The following CHN2 variants were observed in gnomAD, a reference collection of about 807,000 sequenced individuals.
CHN2 encodes the protein chimerin 2, also known as beta-chimaerin.
A neutral mutation model predicts 56.3 loss-of-function variants in CHN2; 35 were observed. The observed-to-expected ratio is 0.62, with a 90% CI of 0.47 to 0.82. The LOEUF is 0.82. CHN2 is among the 40% of genes least tolerant of loss of function. The pLI is 0.00. For missense variants in CHN2, 491 were observed against 580.5 expected (o/e 0.85, Z 1.58); for synonymous variants, 210 against 212.8 (o/e 0.99, Z 0.12).
intron 1 of CHN2, among the ~76,000 whole-genome samples, chr7:29,260,041 G>A (rs1481471826): frequency 1.3e-5 from 2 of 151,922 alleles, no homozygotes; most frequent in Non-Finnish European, 2.9e-5. Flanking sequence ...GCAGTGGTGC[G>A]ATCTTGGCTC....
chr7:29,392,711 C>T (rs980524951), intron 3 of CHN2, among the ~76,000 whole-genome samples: 1 of 152,154 alleles, frequency 6.6e-6, no homozygotes, highest in African/African-American at 2.4e-5. Context: ...CAGGAAACTG[C>T]CCCATATCAT....
chr7:29,483,896 A>T, intron 7 of CHN2: 18 of 1,302,918 alleles, frequency 1.4e-5, no homozygotes, highest in Non-Finnish European at 1.7e-5. Context: ...TCTCTGCCTC[A>T]GTTCCCTCAT....
At chr7:29,233,392 C>T (rs1786873084) in intron 1 of CHN2, among the ~76,000 whole-genome samples, 1 of 152,194 alleles carries the variant, frequency 6.6e-6, no homozygotes, top group African/African-American at 2.4e-5. Flanking sequence ...AAATCTCTTA[C>T]AAAACCTCAT....
At chr7:29,358,979 T>G (rs183615163) in intron 2 of CHN2, among the ~76,000 whole-genome samples, 1 of 152,238 alleles carries the variant, frequency 6.6e-6, no homozygotes, top group African/African-American at 2.4e-5. Context: ...ACTCTTACTA[T>G]GTTCTTCCCT....
chr7:29,348,713 A>C (rs145986564), intron 1 of CHN2, among the ~76,000 whole-genome samples: 8 of 152,260 alleles, frequency 5.3e-5, no homozygotes, highest in African/African-American at 1.7e-4. Context: ...GGGTCTTTTT[A>C]TATCTACTTT....
rs991671136 is a variant in CHN2, at chr7:29,195,146, G to T, written c.49+156G>T. ...GGGGTGATACTTGTTTGGTTCGCCA[G>T]CACCTCGGTGCCCAGAGCACCTCCG... On this transcript the variant is annotated intron_variant, in intron 1 of 12. Coordinates refer to ENST00000222792, the MANE Select transcript of CHN2 (RefSeq NM_004067.4). The T allele has an allele frequency of 3.3e-5, 22 of 676,612 alleles. No homozygotes were observed. In the African/African-American group the frequency reaches 4.0e-4, roughly 12 times the overall value. 41.9% of individuals were successfully genotyped at this position (676,612 alleles called of 1,614,324 possible).
chr7:29,272,344 G>C (rs150403307), intron 1 of CHN2, among the ~76,000 whole-genome samples: 518 of 152,270 alleles, frequency 3.4e-3, no homozygotes, highest in Non-Finnish European at 6.3e-3. Flanking sequence ...ACTATGCCTC[G>C]TTGAGAGCTG....
intron 2 of CHN2, among the ~76,000 whole-genome samples, chr7:29,170,985 A>C (rs953703233): frequency 6.6e-6 from 1 of 152,178 alleles, no homozygotes; most frequent in Non-Finnish European, 1.5e-5. Flanking sequence ...GGTCCCTCCC[A>C]CAACATGTCG....
At position 29,294,949 on chromosome 7, in the gene CHN2, AG is replaced by A. The variant is rs1792995951; in HGVS notation, c.50-59673del. Among the ~76,000 whole-genome samples the A allele has an allele frequency of 5.9e-5, 9 of 152,328 alleles. No homozygotes were observed. In the South Asian group the frequency reaches 1.9e-3, roughly 32 times the overall value. ...ATGCTCTTTAGAACAAGCAAGCCAC[AG>A]GGCAGTCATCCTCTGTATCTTTGCA... On this transcript the variant is annotated intron_variant, in intron 1 of 12. Coordinates refer to ENST00000222792, the MANE Select transcript of CHN2 (RefSeq NM_004067.4).
At chr7:29,413,157 A>G (rs924708734) in intron 6 of CHN2, among the ~76,000 whole-genome samples, 9 of 152,232 alleles carry the variant, frequency 5.9e-5, no homozygotes, top group African/African-American at 1.7e-4. Context: ...CGCAAAGTTA[A>G]TATTTCACTT....
chr7:29,297,235 C>T (rs1793234846), intron 1 of CHN2, among the ~76,000 whole-genome samples: 1 of 152,226 alleles, frequency 6.6e-6, no homozygotes, highest in Non-Finnish European at 1.5e-5. Context: ...GGCCAGGCTC[C>T]TCGCCCCTGC....
At chr7:29,484,747 G>A (rs910099123) in intron 7 of CHN2, among the ~76,000 whole-genome samples, 4 of 152,122 alleles carry the variant, frequency 2.6e-5, no homozygotes, top group Admixed American at 6.5e-5. Flanking sequence ...GATGCAACCC[G>A]TTATAGGAAC....
chr7:29,231,186 T>G (rs894566371), intron 1 of CHN2, among the ~76,000 whole-genome samples: 1 of 152,242 alleles, frequency 6.6e-6, no homozygotes, highest in Non-Finnish European at 1.5e-5. Flanking sequence ...GTGTATCTGC[T>G]GGCTTACTTT....
intron 1 of CHN2, among the ~76,000 whole-genome samples, chr7:29,255,682 G>GT (rs907829556): frequency 2.0e-5 from 3 of 152,088 alleles, no homozygotes; most frequent in African/African-American, 4.8e-5. Flanking sequence ...TTCAGAATGG[G>GT]TTTTTTATAA....
rs141086830 is a variant in CHN2 at position 29,507,242 on chromosome 7, G to A, written c.1006G>A (p.Asp336Asn). 172 of 1,607,456 alleles carry A rather than the reference G, an allele frequency of 1.1e-4. No individual in the cohort carries two copies. The African/African-American group carries it at 1.9e-3, about 18-fold the overall frequency. Residue 336 changes from aspartate (D) to asparagine (N), a missense_variant, in exon 11 of 13, where the codon GAT becomes AAT. Asp to Asn is a conservative substitution (Grantham distance 23). Transcript: ENST00000222792. ...TTGTTTTTCAGATGGTGAAAAGGCCGATATATCTGCCAATGTCTATCCAGA... is the reference window on the plus strand; with the variant it reads ...TTGTTTTTCAGATGGTGAAAAGGCCAATATATCTGCCAATGTCTATCCAGA... ...MAFDRDGEKA[D>N]ISANVYPDIN... is the part of the protein sequence containing the mutation.
chr7:29,422,220 C>A (rs1033032330), intron 6 of CHN2, among the ~76,000 whole-genome samples: 1 of 152,028 alleles, frequency 6.6e-6, no homozygotes, highest in Non-Finnish European at 1.5e-5. Context: ...TATAATGGAT[C>A]TTTTTTAAAA....
At chr7:29,379,005 G>C (rs1266105479) in intron 3 of CHN2, among the ~76,000 whole-genome samples, 1 of 152,142 alleles carries the variant, frequency 6.6e-6, no homozygotes, top group Non-Finnish European at 1.5e-5. Context: ...TATACATAAA[G>C]CACTTAGAAC....
intron 6 of CHN2, among the ~76,000 whole-genome samples, chr7:29,456,956 A>C (rs1190988439): frequency 6.6e-6 from 1 of 151,116 alleles, no homozygotes; most frequent in African/African-American, 2.4e-5. Flanking sequence ...ATCCTTCTCA[A>C]CTCATTCAGG....
chr7:29,242,759 GAAAAAAAAA>G (rs57273690), intron 1 of CHN2, among the ~76,000 whole-genome samples: 40 of 59,720 alleles, frequency 6.7e-4, no homozygotes, highest in Middle Eastern at 0.012. Flanking sequence ...CTTTCCTTCT[GAAAAAAAAA>G]AAAAAAAAAA....
Sources: allele counts gnomAD v4.1 joint callset (sites outside exome capture counted in the v4.1 genomes callset), GRCh38; gene constraint gnomAD v4.1.1; transcripts MANE v1.5; gene names NCBI Gene and HGNC (gene_info 2026-07-23, HGNC 2026-07-21).